The following PSMB7 variants were observed in gnomAD, a reference collection of about 807,000 sequenced individuals.
The protein encoded by PSMB7 is proteasome subunit beta type-7.
PSMB7 carries 5 observed loss-of-function variants against 28.1 expected under a neutral mutation model. The observed-to-expected ratio is 0.18, with a 90% CI of 0.09 to 0.37. The LOEUF (loss-of-function observed/expected upper bound fraction) is 0.37, where lower values mean the gene tolerates loss of function less well. PSMB7 is among the 10% of genes least tolerant of loss of function. The pLI is 1.00. For missense variants in PSMB7, 275 were observed against 346.2 expected, an observed-to-expected ratio of 0.79 and a Z score of 1.63; for synonymous variants, 122 against 123.7, an observed-to-expected ratio of 0.99 and a Z score of 0.09.
At chr9:124,406,694 A>G (rs1366053183) in intron 4 of PSMB7, among the ~76,000 whole-genome samples, 2 of 151,418 alleles carry the variant, frequency 1.3e-5, no homozygotes, top group African/African-American at 4.8e-5. Flanking sequence ...AACCACTGCT[A>G]CTACACATAG....
At chr9:124,382,212 T>TC (rs1267042605) in intron 6 of PSMB7, among the ~76,000 whole-genome samples, 1 of 94,986 alleles carries the variant, frequency 1.1e-5, no homozygotes, top group East Asian at 2.9e-4. Context: ...TTTTTTTTTT[T>TC]TTTTTTTTTT....
rs1830410561 is a variant in PSMB7, at chr9:124,356,635, G to A, written c.722+129C>T. On this transcript the variant is annotated intron_variant, in intron 7 of 7. Coordinates refer to ENST00000259457, the MANE Select transcript of PSMB7 (RefSeq NM_002799.4). The surrounding 1 kb of genome is among the most constrained non-coding windows in gnomAD (Gnocchi z 4.4). Reference sequence around the variant, plus strand: ...AACAAGCCGAAGGTCTGTGTGGGAGGTTGATTTGGGAACACTGGATGTACT... The same window carrying A: ...AACAAGCCGAAGGTCTGTGTGGGAGATTGATTTGGGAACACTGGATGTACT... 1 of 1,104,166 alleles carries A rather than the reference G, an allele frequency of 9.1e-7. No homozygotes were observed. Among genetic ancestry groups the A allele is most frequent in the Non-Finnish European group, 1.3e-6 (1 of 774,614 alleles). 68.4% of individuals were successfully genotyped at this position (1,104,166 alleles called of 1,614,324 possible). A position where few individuals can be genotyped will look rare whatever the true frequency, so the allele number is the denominator to read the frequency against.
intron 6 of PSMB7, among the ~76,000 whole-genome samples, chr9:124,357,276 C>T (rs1364339948): frequency 6.6e-6 from 1 of 152,288 alleles, no homozygotes; most frequent in East Asian, 1.9e-4. Flanking sequence ...CTCTGTCACG[C>T]TAGCACAAAA....
intron 5 of PSMB7, among the ~76,000 whole-genome samples, chr9:124,394,855 C>T (rs150303270): frequency 2.0e-5 from 3 of 152,296 alleles, no homozygotes; most frequent in Admixed American, 6.5e-5. Flanking sequence ...TCAACTTTCA[C>T]GGGCTTTTGG....
chr9:124,393,499 C>T (rs1249269663), intron 5 of PSMB7, among the ~76,000 whole-genome samples: 1 of 152,154 alleles, frequency 6.6e-6, no homozygotes, highest in African/African-American at 2.4e-5. Flanking sequence ...ACCTTTTATT[C>T]CCAATGAATT....
chr9:124,401,581 C>T (rs1472107027), intron 5 of PSMB7, among the ~76,000 whole-genome samples: 1 of 152,180 alleles, frequency 6.6e-6, no homozygotes, highest in Non-Finnish European at 1.5e-5. Context: ...TTGGAAGTGA[C>T]CTTTTCTCCC....
intron 6 of PSMB7, among the ~76,000 whole-genome samples, chr9:124,380,684 G>C (rs1263675049): frequency 6.6e-6 from 1 of 152,194 alleles, no homozygotes; most frequent in East Asian, 1.9e-4. Context: ...TGCCTGGAAA[G>C]GAGCCCTCGG....
At chr9:124,364,300 A>C (rs1306708270) in intron 6 of PSMB7, among the ~76,000 whole-genome samples, 3 of 152,120 alleles carry the variant, frequency 2.0e-5, no homozygotes, top group Non-Finnish European at 4.4e-5. Context: ...GCACCACCAA[A>C]GCCTGTCTTC....
Position 124,365,571 on chromosome 9 carries a change from C to T in PSMB7, c.571-8656G>A, listed in dbSNP as rs567080254. ...GAAAATGATGTACAGTCATGTACCA[C>T]GTAACATTTTGGACAACAACGGACT... On this transcript the variant is annotated intron_variant, in intron 6 of 7. Transcript: ENST00000259457. Among the ~76,000 whole-genome samples, 7 of 152,172 alleles carry T rather than the reference C, an allele frequency of 4.6e-5. 1 individual carries two copies. In the South Asian group the frequency reaches 1.2e-3, roughly 27 times the overall value.
intron 5 of PSMB7, among the ~76,000 whole-genome samples, chr9:124,385,941 T>C (rs1277235100): frequency 1.3e-5 from 2 of 152,168 alleles, no homozygotes; most frequent in African/African-American, 4.8e-5. Context: ...TCAATGAACA[T>C]GGTAATCCCG....
In PSMB7 at chr9:124,414,976, C is replaced by G. The variant is rs765189216; in HGVS notation, c.63-41G>C. On this transcript the variant is annotated intron_variant, in intron 1 of 7. Coordinates refer to ENST00000259457, the MANE Select transcript of PSMB7 (RefSeq NM_002799.4). ...AGAATCAAGTGTTGAAGGGCAGGACCACATCGCACAGCACTGGCATGAAAA... is the reference window on the plus strand; with the variant it reads ...AGAATCAAGTGTTGAAGGGCAGGACGACATCGCACAGCACTGGCATGAAAA... 3.6e-6 allele frequency: 5 copies of G among 1,370,082 alleles called. No homozygotes were observed. The Admixed American group carries it at 8.8e-5, about 24-fold the overall frequency. 84.9% of individuals were successfully genotyped at this position (1,370,082 alleles called of 1,614,324 possible).
intron 6 of PSMB7, among the ~76,000 whole-genome samples, chr9:124,360,408 G>A (rs1331718694): frequency 6.6e-6 from 1 of 152,244 alleles, no homozygotes; most frequent in Non-Finnish European, 1.5e-5. Flanking sequence ...GGGGACAGCT[G>A]CTACAGAGGG....
chr9:124,361,970 TGG>T (rs1830468931), intron 6 of PSMB7, among the ~76,000 whole-genome samples: 1 of 152,240 alleles, frequency 6.6e-6, no homozygotes, highest in Non-Finnish European at 1.5e-5. Context: ...TGCCAGCCAA[TGG>T]GCACTCTGGA....
At chr9:124,369,456 A>G (rs977235660) in intron 6 of PSMB7, among the ~76,000 whole-genome samples, 1 of 152,210 alleles carries the variant, frequency 6.6e-6, no homozygotes, top group Non-Finnish European at 1.5e-5. Context: ...AAAAGTCTAC[A>G]CAGCTCCTGC....
rs144556654 is a variant in PSMB7, at chr9:124,378,192, A to G, written c.570+6406T>C. On this transcript the variant is annotated intron_variant, in intron 6 of 7. Transcript: ENST00000259457. ...TTTCAAGTTGCTATTATTGCCTGTCATGGATTTATAAATATTGTGCACTAT... is the reference window on the plus strand; with the variant it reads ...TTTCAAGTTGCTATTATTGCCTGTCGTGGATTTATAAATATTGTGCACTAT... Among the ~76,000 whole-genome samples, 364 of 152,384 alleles carry G rather than the reference A, an allele frequency of 2.4e-3. 2 individuals carry two copies. The highest frequency in any genetic ancestry group is 7.2e-3 in the African/African-American group (299 of 41,594).
At chr9:124,371,116 G>A (rs535999967) in intron 6 of PSMB7, among the ~76,000 whole-genome samples, 5 of 152,250 alleles carry the variant, frequency 3.3e-5, no homozygotes, top group South Asian at 2.1e-4. Context: ...TTTAGGGTCC[G>A]GGAGTCCCGC....
In PSMB7 at chr9:124,405,404, C is replaced by T; in HGVS notation, c.424G>A (p.Val142Ile). The T allele has an allele frequency of 1.9e-6, 3 of 1,613,398 alleles. No individual in the cohort carries two copies. The African/African-American group carries it at 4.0e-5, about 22-fold the overall frequency. ...RYQGYIGAALVLGGVDVTGPH... is the reference protein window; with the variant it reads ...RYQGYIGAALILGGVDVTGPH... ...CCAGTAACATCTACTCCCCCTAAAACTAGGGCTGCACCAATGTAACCTTGA... is the reference window on the plus strand; with the variant it reads ...CCAGTAACATCTACTCCCCCTAAAATTAGGGCTGCACCAATGTAACCTTGA... The change falls in exon 5 of 8, where the codon GTT becomes ATT. Residue 142 changes from valine to isoleucine, a missense_variant. This residue lies in a region of PSMB7 where 213 missense variants were observed against 302.4 expected (regional missense o/e 0.70). Transcript: ENST00000259457.
intron 7 of PSMB7, among the ~76,000 whole-genome samples, chr9:124,354,707 G>C (rs1188761713): frequency 2.6e-5 from 4 of 152,098 alleles, no homozygotes; most frequent in African/African-American, 9.7e-5. Context: ...AAGTACCTTT[G>C]AACAATGTGT....
chr9:124,357,034 T>C (rs1400091032), intron 6 of PSMB7, 119 bp from the exon 7 acceptor site: 2 of 1,095,954 alleles, frequency 1.8e-6, no homozygotes, highest in African/African-American at 3.1e-5. Context: ...TTGTTTTTAA[T>C]GCCCATCTCA....
Sources: gnomAD v4.1 joint callset for allele counts (sites outside exome capture counted in the v4.1 genomes callset) on GRCh38, gnomAD v4.1.1 for gene constraint, gnomAD v4.1.1 regional missense constraint, Gnocchi (gnomAD v3.1) non-coding constraint, MANE v1.5 for transcripts, NCBI Gene and HGNC (gene_info 2026-07-23, HGNC 2026-07-21) for gene names.